The following ZNF540 variants were observed in gnomAD, a reference collection of about 807,000 sequenced individuals.
ZNF540 encodes the protein CTD-3064H18.6.
ZNF540 carries 3 observed loss-of-function variants against 11.8 expected under a neutral mutation model. That is an observed-to-expected ratio of 0.25 (90% confidence interval 0.12 to 0.65). The LOEUF (loss-of-function observed/expected upper bound fraction) is 0.65, where lower values mean the gene tolerates loss of function less well. Ranked by LOEUF, ZNF540 falls within the 30% of genes least tolerant of loss-of-function variation. The probability of loss-of-function intolerance (pLI) is 0.83; values close to 1 mark genes in which losing one functional copy is unlikely to be tolerated. For missense variants in ZNF540, 709 were observed against 793.1 expected (o/e 0.89, Z 1.27); for synonymous variants, 247 against 259.0 (o/e 0.95, Z 0.45).
In ZNF540 at chr19:37,612,011, A is replaced by T; in HGVS notation, c.731A>T (p.Glu244Val). Reference protein sequence around the residue: ...QRFHTGEKPYECQECGKTFTL... With the variant: ...QRFHTGEKPYVCQECGKTFTL... ...TTTCATACTGGTGAGAAACCCTATG[A>T]ATGTCAAGAATGTGGGAAGACCTTT... The change falls in exon 5 of 5, where the codon GAA (glutamate) becomes GTA (valine). Residue 244 changes from glutamate to valine, a missense_variant. By Grantham distance (121) the Glu-to-Val change is moderately radical. Transcript: ENST00000316433. The T allele has an allele frequency of 6.2e-7, 1 of 1,613,702 alleles. No homozygotes were observed. Among genetic ancestry groups the T allele is most frequent in the South Asian group, 1.1e-5 (1 of 91,058 alleles).
chr19:37,611,299 T>C (rs1293047833), intron 4 of ZNF540: 2 of 351,528 alleles, frequency 5.7e-6, no homozygotes, highest in Non-Finnish European at 1.0e-5. Flanking sequence ...AGTGCTGAGA[T>C]TACAGGCATG....
chr19:37,602,471 T>C (rs1220259536), intron 4 of ZNF540, among the ~76,000 whole-genome samples: 1 of 152,194 alleles, frequency 6.6e-6, no homozygotes, highest in Non-Finnish European at 1.5e-5. Flanking sequence ...TAATTATTTA[T>C]GTGTTGTCTA....
intron 1 of ZNF540, among the ~76,000 whole-genome samples, chr19:37,562,164 C>T (rs2042723917): frequency 6.6e-6 from 1 of 152,270 alleles, no homozygotes; most frequent in Admixed American, 6.5e-5. Flanking sequence ...AGACAGATCA[C>T]CTGAGGTCAG....
At chr19:37,568,387 G>A (rs1281773851) in intron 1 of ZNF540, among the ~76,000 whole-genome samples, 1 of 149,062 alleles carries the variant, frequency 6.7e-6, no homozygotes, top group Non-Finnish European at 1.5e-5. Context: ...ACACATCCTA[G>A]AACAAGATAG....
intron 4 of ZNF540, among the ~76,000 whole-genome samples, chr19:37,602,143 G>A (rs1231990186): frequency 6.6e-6 from 1 of 152,136 alleles, no homozygotes; most frequent in Non-Finnish European, 1.5e-5. Flanking sequence ...CTTATGATTT[G>A]AAAGTAGAGC....
At chr19:37,564,914 T>A in intron 1 of ZNF540, 1 of 1,614,042 alleles carries the variant, frequency 6.2e-7, no homozygotes, top group Non-Finnish European at 8.5e-7. Context: ...GTCACATTCC[T>A]TACATTTGTA....
At chr19:37,554,167 C>T (rs565871031) in intron 1 of ZNF540, among the ~76,000 whole-genome samples, 34 of 152,196 alleles carry the variant, frequency 2.2e-4, no homozygotes, top group African/African-American at 5.8e-4. Context: ...TCAAGCAGGC[C>T]CTGGTGTTTA....
At chr19:37,576,067 G>A (rs897728149) in intron 1 of ZNF540, among the ~76,000 whole-genome samples, 6 of 149,468 alleles carry the variant, frequency 4.0e-5, no homozygotes, top group African/African-American at 1.5e-4. Context: ...ACACACACAA[G>A]TTCATCTAGA....
chr19:37,556,248 GT>G (rs1281536228), intron 1 of ZNF540: 1 of 629,002 alleles, frequency 1.6e-6, no homozygotes. Context: ...TACACATCCT[GT>G]TGTGAAAGAG....
intron 4 of ZNF540, 197 bp from the exon 5 acceptor site, chr19:37,611,316 C>T (rs991260084): frequency 1.7e-5 from 7 of 411,648 alleles, no homozygotes; most frequent in Admixed American, 4.3e-5. Context: ...CATGAGCCAC[C>T]GCGCCCGGCT....
chr19:37,576,890 A>G (rs1296962548), intron 1 of ZNF540, among the ~76,000 whole-genome samples: 4 of 152,134 alleles, frequency 2.6e-5, no homozygotes, highest in Admixed American at 2.6e-4. Flanking sequence ...AACACAAAGG[A>G]CTTGGCAGTG....
At chr19:37,605,486 A>G (rs2044078088) in intron 4 of ZNF540, among the ~76,000 whole-genome samples, 1 of 152,168 alleles carries the variant, frequency 6.6e-6, no homozygotes, top group Non-Finnish European at 1.5e-5. Flanking sequence ...CGTCTCTACT[A>G]AAAATACAAA....
intron 1 of ZNF540, among the ~76,000 whole-genome samples, chr19:37,552,811 G>A (rs1303025016): frequency 2.0e-5 from 3 of 152,000 alleles, no homozygotes; most frequent in Non-Finnish European, 2.9e-5. Context: ...GCCGAGTGTG[G>A]TGGCGTGCGC....
rs188448927 is a variant in ZNF540 at position 37,588,042 on chromosome 19, G to C, written c.-72-10334G>C. Among the ~76,000 whole-genome samples, 33 of 129,718 alleles carry C rather than the reference G, an allele frequency of 2.5e-4. 1 individual carries two copies. Among genetic ancestry groups the C allele is most frequent in the Middle Eastern group, 5.4e-3 (1 of 184 alleles). 85.1% of individuals were successfully genotyped at this position (129,718 alleles called of 152,430 possible). On this transcript the variant is annotated intron_variant, in intron 1 of 4. Transcript: ENST00000592533. Reference sequence around the variant, plus strand: ...TTGTACGCGGGAGGTGGAGGTTGCAGTGACCCAAGATTGCGCCACTGCACT... The same window carrying C: ...TTGTACGCGGGAGGTGGAGGTTGCACTGACCCAAGATTGCGCCACTGCACT...
chr19:37,587,307 C>T (rs1238994446), intron 1 of ZNF540: 1 of 152,268 alleles, frequency 6.6e-6, no homozygotes, highest in East Asian at 1.9e-4. Context: ...CACCTCCTCC[C>T]TTACTGCAGT....
chr19:37,595,129 C>G (rs1179234228), intron 1 of ZNF540, 34 bp downstream of exon 1: 1 of 152,116 alleles, frequency 6.6e-6, no homozygotes, highest in Non-Finnish European at 1.5e-5. Flanking sequence ...CAGCTCTGGC[C>G]GTGACGCAGT....
intron 1 of ZNF540, chr19:37,565,627 A>G: frequency 6.2e-7 from 1 of 1,613,342 alleles, no homozygotes; most frequent in Non-Finnish European, 8.5e-7. Context: ...TCTGATGAAG[A>G]GTATATTGTG....
rs576243454 is a variant in ZNF540 at position 37,581,212 on chromosome 19, C to A, written c.-72-17164C>A. Among the ~76,000 whole-genome samples the A allele has an allele frequency of 2.5e-4, 38 of 152,290 alleles. 1 individual carries two copies. In the Middle Eastern group the frequency reaches 0.01, roughly 41 times the overall value. On this transcript the variant is annotated intron_variant, in intron 1 of 4. Transcript: ENST00000592533. ...CAATTTATTTATATTCTAATCATTT[C>A]ATTCCCAAACATCATGTTTCCTACC...
At position 37,612,621 on chromosome 19, in the gene ZNF540, C is replaced by G; in HGVS notation, c.1341C>G (p.Ala447=). 2.5e-6 allele frequency: 4 copies of G among 1,613,788 alleles called. No homozygotes were observed. The highest frequency in any genetic ancestry group is 3.4e-6 in the Non-Finnish European group (4 of 1,179,948). The part of the protein sequence containing the change: ...KPYECKECGK[A]FMLRSVLTEH... ...ATGAATGTAAGGAATGCGGGAAAGC[C>G]TTTATGCTTCGTTCAGTCCTTACTG... The change falls in exon 5 of 5, where the codon GCC becomes GCG. Residue 447 remains alanine (A), a synonymous_variant. Transcript: ENST00000316433.
Sources: allele counts gnomAD v4.1 joint callset (sites outside exome capture counted in the v4.1 genomes callset), GRCh38; gene constraint gnomAD v4.1.1; transcripts MANE v1.5; gene names NCBI Gene and HGNC (gene_info 2026-07-23, HGNC 2026-07-21).